The following MECOM variants were observed in gnomAD, a reference collection of about 807,000 sequenced individuals.
MECOM encodes MDS1 and EVI1 complex locus.
A neutral mutation model predicts 116.3 loss-of-function variants in MECOM; 13 were observed. That is an observed-to-expected ratio of 0.11 (90% CI 0.07 to 0.18). The LOEUF (loss-of-function observed/expected upper bound fraction) is 0.18. Ranked by LOEUF, MECOM falls within the 10% of genes least tolerant of loss-of-function variation. The pLI, the probability that MECOM is intolerant of heterozygous loss-of-function variation, is 1.00. For missense variants in MECOM, 1,299 were observed against 1,509.0 expected, an observed-to-expected ratio of 0.86 and a Z score of 2.31; for synonymous variants, 528 against 535.2, an observed-to-expected ratio of 0.99 and a Z score of 0.19.
chr3:169,120,120 C>G (rs904520023), intron 7 of MECOM, among the ~76,000 whole-genome samples: 1 of 152,170 alleles, frequency 6.6e-6, no homozygotes, highest in Non-Finnish European at 1.5e-5. Flanking sequence ...TCAACCAATT[C>G]TATGTGTATC....
intron 1 of MECOM, among the ~76,000 whole-genome samples, chr3:169,483,089 A>G (rs1751575439): frequency 6.6e-6 from 1 of 152,166 alleles, no homozygotes. Flanking sequence ...AATTCATGGT[A>G]TACTCGACTA....
chr3:169,341,310 C>T (rs1177222958), intron 2 of MECOM, among the ~76,000 whole-genome samples: 1 of 151,220 alleles, frequency 6.6e-6, no homozygotes, highest in East Asian at 1.9e-4. Context: ...ACAAACATCA[C>T]ATGTTCTCAC....
chr3:169,646,062 G>A (rs926026160), intron 1 of MECOM, among the ~76,000 whole-genome samples: 1 of 152,090 alleles, frequency 6.6e-6, no homozygotes, highest in African/African-American at 2.4e-5. Flanking sequence ...TCCCTACAAA[G>A]GACATGAACT....
intron 1 of MECOM, among the ~76,000 whole-genome samples, chr3:169,604,905 C>T (rs905366171): frequency 2.0e-5 from 3 of 152,120 alleles, no homozygotes; most frequent in South Asian, 2.1e-4. Context: ...TTTCCCTTTT[C>T]CTCACATGTC....
At position 169,115,767 on chromosome 3, in the gene MECOM, G is replaced by A. The variant is rs771685486; in HGVS notation, c.2105C>T (p.Ala702Val). 1 of 1,614,106 alleles carries A rather than the reference G, an allele frequency of 6.2e-7. No homozygotes were observed. Among genetic ancestry groups the A allele is most frequent in the Non-Finnish European group, 8.5e-7 (1 of 1,180,014 alleles). Residue 702 changes from alanine to valine, a missense_variant, in exon 8 of 17, where the codon GCA becomes GTA. Around this residue, in one of 6 missense-constraint regions of MECOM, gnomAD observed 340 missense variants for 312.6 expected, o/e 1.09. Coordinates refer to ENST00000651503, the MANE Select transcript of MECOM (RefSeq NM_004991.4). ...AAATGGGTACATTGATTGAGAGAATGCTGGAAAAAATGGGAGGGGAAACAT... is the reference window on the plus strand; with the variant it reads ...AAATGGGTACATTGATTGAGAGAATACTGGAAAAAATGGGAGGGGAAACAT... ...PSMFPLPFFP[A>V]FSQSMYPFPD...
At chr3:169,584,491 A>G (rs548933939) in intron 1 of MECOM, among the ~76,000 whole-genome samples, 2,005 of 151,604 alleles carry the variant, frequency 0.013, 18 homozygotes, top group Admixed American at 0.024. Context: ...CGTGAACCCA[A>G]GAGGTGGAGC....
At chr3:169,166,695 G>T (rs776192254) in intron 2 of MECOM, among the ~76,000 whole-genome samples, 1 of 152,078 alleles carries the variant, frequency 6.6e-6, no homozygotes, top group African/African-American at 2.4e-5. Flanking sequence ...ATATCCAAAA[G>T]AGTAAACTAA....
intron 2 of MECOM, among the ~76,000 whole-genome samples, chr3:169,258,032 C>T (rs1189274095): frequency 6.6e-6 from 1 of 152,108 alleles, no homozygotes; most frequent in African/African-American, 2.4e-5. Flanking sequence ...ACCAGCCTGA[C>T]CAACATGGCG....
In MECOM at chr3:169,085,490, C is replaced by T. The variant is rs9859712; in HGVS notation, c.3586-447G>A. ...CAGCCTGACTCCTACACTTTATAAC[C>T]GAAAGCACTGAAGGTGCTTGAGTGA... On this transcript the variant is annotated intron_variant, in intron 16 of 16. Coordinates refer to ENST00000651503, the MANE Select transcript of MECOM (RefSeq NM_004991.4). Among the ~76,000 whole-genome samples the T allele has an allele frequency of 2.1e-3, 327 of 152,250 alleles. 1 individual carries two copies. The highest frequency in any genetic ancestry group is 3.6e-3 in the Non-Finnish European group (245 of 68,004).
chr3:169,353,773 G>C (rs1190430884), intron 2 of MECOM, among the ~76,000 whole-genome samples: 4 of 151,664 alleles, frequency 2.6e-5, no homozygotes, highest in African/African-American at 9.7e-5. Context: ...TTTATACAAA[G>C]CTTCATATAT....
chr3:169,204,392 C>T (rs1438049487), intron 2 of MECOM, among the ~76,000 whole-genome samples: 4 of 152,170 alleles, frequency 2.6e-5, no homozygotes, highest in African/African-American at 9.7e-5. Flanking sequence ...ACATCAGTTA[C>T]TCACAAGCCT....
chr3:169,594,102 A>C (rs2109665552), intron 1 of MECOM, among the ~76,000 whole-genome samples: 1 of 145,534 alleles, frequency 6.9e-6, no homozygotes, highest in Non-Finnish European at 1.5e-5. Context: ...GCTGCACTCC[A>C]GCCTGGGCAA....
intron 16 of MECOM, chr3:169,086,641 A>C (rs761568130): frequency 8.6e-6 from 6 of 696,630 alleles, no homozygotes; most frequent in Non-Finnish European, 1.6e-5. Flanking sequence ...AACTTACATA[A>C]AGTGTTTAGC....
intron 2 of MECOM, among the ~76,000 whole-genome samples, chr3:169,367,280 A>C (rs1276820359): frequency 1.3e-5 from 2 of 152,056 alleles, no homozygotes; most frequent in African/African-American, 4.8e-5. Context: ...TAGTGGATTT[A>C]AGTTTTGCAT....
At chr3:169,636,122 G>A (rs573659860) in intron 1 of MECOM, among the ~76,000 whole-genome samples, 32 of 152,266 alleles carry the variant, frequency 2.1e-4, no homozygotes, top group Admixed American at 2.1e-3. Context: ...AAATAATGTA[G>A]GATGAGGACA....
At chr3:169,637,938 T>C (rs1773015096) in intron 1 of MECOM, among the ~76,000 whole-genome samples, 1 of 152,038 alleles carries the variant, frequency 6.6e-6, no homozygotes, top group East Asian at 1.9e-4. Context: ...GTAAACTCTA[T>C]AAAGTAAACA....
intron 2 of MECOM, among the ~76,000 whole-genome samples, chr3:169,169,738 G>A (rs1175563019): frequency 6.6e-6 from 1 of 151,942 alleles, no homozygotes; most frequent in Non-Finnish European, 1.5e-5. Context: ...CAACTTCCTG[G>A]TTAACCATCT....
intron 1 of MECOM, among the ~76,000 whole-genome samples, chr3:169,516,043 A>G (rs1191705321): frequency 2.0e-5 from 3 of 152,200 alleles, no homozygotes; most frequent in Non-Finnish European, 4.4e-5. Context: ...AAACACTATG[A>G]CTAGTCAAAT....
At chr3:169,501,514 C>T (rs12493227) in intron 1 of MECOM, among the ~76,000 whole-genome samples, 24,575 of 151,924 alleles carry the variant, frequency 0.16, 2,142 homozygotes, top group East Asian at 0.33. Context: ...ACGTTTTTAA[C>T]CCAGCTCTGA....
Sources: gnomAD v4.1 joint callset for allele counts (sites outside exome capture counted in the v4.1 genomes callset) on GRCh38, gnomAD v4.1.1 for gene constraint, gnomAD v4.1.1 regional missense constraint, MANE v1.5 for transcripts, NCBI Gene and HGNC (gene_info 2026-07-23, HGNC 2026-07-21) for gene names.